TBL1Y: variants seen among roughly 807,000 people sequenced by gnomAD.
TBL1Y encodes F-box-like/WD repeat-containing protein TBL1Y.
TBL1Y carries 15 observed loss-of-function variants against 12.0 expected under a neutral mutation model. The observed-to-expected ratio is 1.25, with a 90% confidence interval of 0.83 to 1.92. The LOEUF is 1.92. Among genes scored for constraint, TBL1Y ranks in the 40% most tolerant of loss-of-function variants. TBL1Y has a pLI of 0.00. For missense variants in TBL1Y, 148 were observed against 116.7 expected (o/e 1.27, Z -1.24); for synonymous variants, 53 against 42.6 (o/e 1.24, Z -0.95).
At chrY:7,068,354 A>AT in intron 8 of TBL1Y, among the ~76,000 whole-genome samples, 1 of 32,810 alleles carries the variant, frequency 3.0e-5, no homozygotes, top group East Asian at 8.2e-4. Flanking sequence ...ACAAAAAAAA[A>AT]GTACAGCTGA....
At chrY:6,969,366 A>G in intron 2 of TBL1Y, among the ~76,000 whole-genome samples, 1 of 33,750 alleles carries the variant, frequency 3.0e-5, no homozygotes, top group Non-Finnish European at 7.4e-5. Flanking sequence ...TGTCGGAGCA[A>G]GGGCAGGAGG....
intron 17 of TBL1Y, among the ~76,000 whole-genome samples, chrY:7,089,673 G>A: frequency 3.0e-5 from 1 of 33,111 alleles, no homozygotes; most frequent in Non-Finnish European, 7.5e-5. Flanking sequence ...GCTTGTAATC[G>A]CAGCTACTTG....
chrY:6,935,698 G>A (rs2011899786), intron 2 of TBL1Y, among the ~76,000 whole-genome samples: 2 of 32,822 alleles, frequency 6.1e-5, no homozygotes, highest in Non-Finnish European at 1.5e-4. Context: ...GTTGAAGGTC[G>A]ATTGCTCAAG....
intron 2 of TBL1Y, among the ~76,000 whole-genome samples, chrY:6,960,479 G>A (rs2012114991): frequency 3.0e-5 from 1 of 33,325 alleles, no homozygotes; most frequent in Non-Finnish European, 7.4e-5. Flanking sequence ...ACCAACAACA[G>A]GACTAACTTT....
chrY:6,927,282 C>T (rs913577145), intron 2 of TBL1Y, among the ~76,000 whole-genome samples: 2 of 32,981 alleles, frequency 6.1e-5, no homozygotes, highest in African/African-American at 1.2e-4. Flanking sequence ...TGGAGTGCAA[C>T]GGCATGGTCT....
chrY:7,007,451 C>T, intron 4 of TBL1Y, among the ~76,000 whole-genome samples: 3 of 32,690 alleles, frequency 9.2e-5, no homozygotes, highest in African/African-American at 2.4e-4. Context: ...TGTTTGTGTC[C>T]GTATGTGTGT....
intron 2 of TBL1Y, among the ~76,000 whole-genome samples, chrY:6,956,999 T>G (rs2012074976): frequency 8.9e-5 from 3 of 33,678 alleles, no homozygotes; most frequent in African/African-American, 3.5e-4. Context: ...CTAGCCCCTC[T>G]TCTCTGTTTA....
At chrY:7,061,676 AAAG>A (rs2012868405) in intron 7 of TBL1Y, among the ~76,000 whole-genome samples, 1 of 32,652 alleles carries the variant, frequency 3.1e-5, no homozygotes, top group Non-Finnish European at 7.5e-5. Context: ...TCTTCCCCTG[AAAG>A]AAGAACACCC....
chrY:7,027,450 G>A, intron 6 of TBL1Y, among the ~76,000 whole-genome samples: 1 of 33,355 alleles, frequency 3.0e-5, no homozygotes, highest in African/African-American at 1.2e-4. Context: ...TTGGAAGGCC[G>A]AGGCAGGCAG....
At chrY:6,953,967 T>G in intron 2 of TBL1Y, among the ~76,000 whole-genome samples, 1 of 33,968 alleles carries the variant, frequency 2.9e-5, no homozygotes, top group Non-Finnish European at 7.3e-5. Flanking sequence ...TGCCTGGGTA[T>G]CAGTAGTGGA....
intron 4 of TBL1Y, among the ~76,000 whole-genome samples, chrY:7,020,192 G>A (rs2124149666): frequency 3.0e-5 from 1 of 33,357 alleles, no homozygotes; most frequent in Admixed American, 2.8e-4. Context: ...ACTAAACCTG[G>A]TACCTTTTTA....
chrY:7,017,590 G>A (rs184839215), intron 4 of TBL1Y, among the ~76,000 whole-genome samples: 8 of 34,194 alleles, frequency 2.3e-4, no homozygotes, highest in African/African-American at 4.5e-4. Flanking sequence ...GCTTTAGACC[G>A]TTATTTCTTG....
chrY:7,024,616 G>T, intron 5 of TBL1Y, among the ~76,000 whole-genome samples: 2 of 32,888 alleles, frequency 6.1e-5, no homozygotes, highest in East Asian at 1.6e-3. Context: ...ATTAGTTTAA[G>T]TTCTTTGTAG....
intron 4 of TBL1Y, among the ~76,000 whole-genome samples, chrY:7,005,428 C>CA (rs2012480461): frequency 3.4e-5 from 1 of 29,677 alleles, no homozygotes; most frequent in Non-Finnish European, 8.2e-5. Context: ...GATCATGTCT[C>CA]AAAAAAAAAA....
At chrY:7,063,198 A>G (rs2012900952) in intron 7 of TBL1Y, among the ~76,000 whole-genome samples, 1 of 33,250 alleles carries the variant, frequency 3.0e-5, no homozygotes, top group Non-Finnish European at 7.4e-5. Flanking sequence ...GTTATATATA[A>G]AGTTTTGGTG....
At chrY:6,959,781 G>A in intron 2 of TBL1Y, among the ~76,000 whole-genome samples, 1 of 33,577 alleles carries the variant, frequency 3.0e-5, no homozygotes. Flanking sequence ...TTATAGGCTT[G>A]AAGTGTAATA....
At chrY:6,985,783 C>G in intron 3 of TBL1Y, among the ~76,000 whole-genome samples, 1 of 32,107 alleles carries the variant, frequency 3.1e-5, no homozygotes, top group African/African-American at 1.2e-4. Flanking sequence ...CTTGGTGCCC[C>G]CTTCATGGGT....
At chrY:6,930,852 CT>C (rs2011860985) in intron 2 of TBL1Y, among the ~76,000 whole-genome samples, 17 of 33,175 alleles carry the variant, frequency 5.1e-4, no homozygotes, top group African/African-American at 1.9e-3. Context: ...GCTGTGGCAG[CT>C]TTGTTCTTTT....
At chrY:7,009,317 T>C in intron 4 of TBL1Y, among the ~76,000 whole-genome samples, 1 of 34,036 alleles carries the variant, frequency 2.9e-5, no homozygotes, top group Non-Finnish European at 7.3e-5. Flanking sequence ...TTAAGAATAG[T>C]TGCTAGTGGT....
Sources: allele counts gnomAD v4.1 joint callset (sites outside exome capture counted in the v4.1 genomes callset), GRCh38; gene constraint gnomAD v4.1.1; transcripts MANE v1.5; gene names NCBI Gene and HGNC (gene_info 2026-07-23, HGNC 2026-07-21).